The following KIAA1217 variants were observed in gnomAD, a reference collection of about 807,000 sequenced individuals.
KIAA1217 encodes the protein KIAA1217, also known as sickle tail protein homolog.
Under a neutral mutation model 163.9 loss-of-function variants are expected in KIAA1217, and 88 were observed. That is an observed-to-expected ratio of 0.54 (90% CI 0.45 to 0.64). The LOEUF (loss-of-function observed/expected upper bound fraction) is 0.64, where lower values mean the gene tolerates loss of function less well. Among genes scored for constraint, KIAA1217 ranks in the 30% least tolerant of loss-of-function variants. The pLI is 0.00. For synonymous variants in KIAA1217, 903 were observed against 923.1 expected, an observed-to-expected ratio of 0.98 and a Z score of 0.39; for missense variants, 2,372 against 2,475.0, an observed-to-expected ratio of 0.96 and a Z score of 0.88.
intron 1 of KIAA1217, among the ~76,000 whole-genome samples, chr10:23,849,504 C>T (rs1839200646): frequency 6.6e-6 from 1 of 152,002 alleles, no homozygotes; most frequent in Non-Finnish European, 1.5e-5. Flanking sequence ...TCAATCCCTC[C>T]TAAGGAATAT....
At chr10:24,060,936 T>G (rs1437994693) in intron 2 of KIAA1217, among the ~76,000 whole-genome samples, 1 of 152,242 alleles carries the variant, frequency 6.6e-6, no homozygotes, top group African/African-American at 2.4e-5. Context: ...TTGTTCTGTA[T>G]AAGTATTTGG....
At chr10:24,237,841 G>C (rs549355854) in intron 2 of KIAA1217, among the ~76,000 whole-genome samples, 15 of 152,238 alleles carry the variant, frequency 9.9e-5, no homozygotes, top group African/African-American at 3.6e-4. Flanking sequence ...CTCTGGCTGC[G>C]GTATTAAACC....
At chr10:24,514,169 G>T (rs1302182759) in intron 10 of KIAA1217, among the ~76,000 whole-genome samples, 1 of 152,080 alleles carries the variant, frequency 6.6e-6, no homozygotes, top group African/African-American at 2.4e-5. Context: ...TGTATGTTTT[G>T]GTATGCAATG....
intron 2 of KIAA1217, among the ~76,000 whole-genome samples, chr10:24,168,532 G>A (rs990260500): frequency 3.9e-5 from 6 of 152,172 alleles, no homozygotes; most frequent in Non-Finnish European, 8.8e-5. Context: ...CTCCCTACAT[G>A]GGACACCTAC....
At chr10:24,490,291 G>A (rs917348474) in intron 6 of KIAA1217, among the ~76,000 whole-genome samples, 5 of 152,142 alleles carry the variant, frequency 3.3e-5, no homozygotes, top group African/African-American at 4.8e-5. Context: ...TAAACCAAGC[G>A]ATATTGGCAA....
intron 2 of KIAA1217, among the ~76,000 whole-genome samples, chr10:24,100,931 G>GA (rs2062388848): frequency 1.3e-5 from 2 of 152,188 alleles, no homozygotes; most frequent in South Asian, 4.1e-4. Flanking sequence ...AAAATATATA[G>GA]AAAAAATATG....
At chr10:24,489,982 G>A (rs74501782) in intron 6 of KIAA1217, among the ~76,000 whole-genome samples, 3,972 of 151,848 alleles carry the variant, frequency 0.026, 165 homozygotes, top group African/African-American at 0.089. Context: ...GACCACCAGC[G>A]GTATGAATTT....
rs556708131 is a variant in KIAA1217 at position 24,243,674 on chromosome 10, G to T, written c.354+23765G>T. Among the ~76,000 whole-genome samples the T allele has an allele frequency of 9.3e-5, 14 of 151,216 alleles. No homozygotes were observed. The East Asian group carries it at 2.0e-3, about 21-fold the overall frequency. On this transcript the variant is annotated intron_variant, in intron 2 of 20. Transcript: ENST00000376454. ...TATATATATATACACATCTATGAATGTGTAGAATATTCATATGTATGAATA... is the reference window on the plus strand; with the variant it reads ...TATATATATATACACATCTATGAATTTGTAGAATATTCATATGTATGAATA...
intron 2 of KIAA1217, among the ~76,000 whole-genome samples, chr10:24,355,101 G>A (rs182217775): frequency 1.3e-5 from 2 of 152,302 alleles, no homozygotes; most frequent in African/African-American, 2.4e-5. Context: ...CCAGAGTTCA[G>A]CATTGAGCTG....
intron 2 of KIAA1217, among the ~76,000 whole-genome samples, chr10:24,038,063 T>C (rs908478604): frequency 1.3e-5 from 2 of 152,228 alleles, no homozygotes; most frequent in African/African-American, 4.8e-5. Flanking sequence ...TTTATTTTTG[T>C]AAGGGTTTTT....
At chr10:24,133,992 A>T (rs1164985688) in intron 2 of KIAA1217, among the ~76,000 whole-genome samples, 1 of 152,230 alleles carries the variant, frequency 6.6e-6, no homozygotes, top group Non-Finnish European at 1.5e-5. Flanking sequence ...ACATTCTTTT[A>T]TGACTCTTGC....
At chr10:23,821,217 T>G (rs1837609288) in intron 1 of KIAA1217, among the ~76,000 whole-genome samples, 1 of 152,042 alleles carries the variant, frequency 6.6e-6, no homozygotes, top group Non-Finnish European at 1.5e-5. Flanking sequence ...TCACTGAAAT[T>G]ATCAGTTATT....
At chr10:23,937,116 C>G (rs1389128019) in intron 1 of KIAA1217, among the ~76,000 whole-genome samples, 1 of 152,156 alleles carries the variant, frequency 6.6e-6, no homozygotes, top group East Asian at 1.9e-4. Context: ...CTCAAGTGAT[C>G]TGCACGCCTT....
chr10:23,977,116 A>G (rs1395025790), intron 1 of KIAA1217, among the ~76,000 whole-genome samples: 1 of 152,204 alleles, frequency 6.6e-6, no homozygotes, highest in African/African-American at 2.4e-5. Flanking sequence ...TGTTATCTCT[A>G]GAATTAGATC....
Position 24,446,549 on chromosome 10 carries a change from C to T in KIAA1217, c.846+8070C>T, listed in dbSNP as rs146228905. 7.9e-5 allele frequency among the ~76,000 whole-genome samples: 12 copies of T among 152,104 alleles called. 1 individual carries two copies. The highest frequency in any genetic ancestry group is 2.9e-4 in the African/African-American group (12 of 41,492). Reference sequence around the variant, plus strand: ...GGATTCAGGGAGTATCAAGTCATCCCGTAGTAACAAAAGAATCCCACAGAA... The same window carrying T: ...GGATTCAGGGAGTATCAAGTCATCCTGTAGTAACAAAAGAATCCCACAGAA... On this transcript the variant is annotated intron_variant, in intron 5 of 20. Coordinates refer to ENST00000376454, the MANE Select transcript of KIAA1217 (RefSeq NM_019590.5).
chr10:24,233,913 T>C (rs2071807277), intron 2 of KIAA1217, among the ~76,000 whole-genome samples: 2 of 152,214 alleles, frequency 1.3e-5, no homozygotes, highest in Non-Finnish European at 1.5e-5. Flanking sequence ...TCCTAAGAAT[T>C]TGTTTCACAG....
intron 2 of KIAA1217, among the ~76,000 whole-genome samples, chr10:24,324,007 C>G (rs944192959): frequency 6.6e-6 from 1 of 151,994 alleles, no homozygotes; most frequent in African/African-American, 2.4e-5. Context: ...GTAAATACAC[C>G]TGTAATCCCA....
chr10:23,790,549 A>ATATGTACATGTG (rs1564424164), intron 1 of KIAA1217, among the ~76,000 whole-genome samples: 1 of 104,586 alleles, frequency 9.6e-6, no homozygotes, highest in African/African-American at 5.8e-5. Context: ...ATGTGCATAT[A>ATATGTACATGTG]TACATATGTA....
intron 1 of KIAA1217, among the ~76,000 whole-genome samples, chr10:23,968,397 G>A (rs921853123): frequency 5.9e-5 from 9 of 152,264 alleles, no homozygotes; most frequent in East Asian, 1.9e-4. Flanking sequence ...TCTTGGCTAC[G>A]TAGACGGGTT....
Sources: gnomAD v4.1 joint callset for allele counts (sites outside exome capture counted in the v4.1 genomes callset) on GRCh38, gnomAD v4.1.1 for gene constraint, MANE v1.5 for transcripts, NCBI Gene and HGNC (gene_info 2026-07-23, HGNC 2026-07-21) for gene names.